The following CSGALNACT1 variants were observed in gnomAD, a reference collection of about 807,000 sequenced individuals.
CSGALNACT1 encodes the protein chondroitin sulfate N-acetylgalactosaminyltransferase 1.
CSGALNACT1 carries 52 observed loss-of-function variants against 51.0 expected under a neutral mutation model. The observed-to-expected ratio is 1.02, with a 90% CI of 0.82 to 1.29. CSGALNACT1 has a LOEUF of 1.29. Among genes scored for constraint, CSGALNACT1 ranks in the 50% most tolerant of loss-of-function variants. CSGALNACT1 has a pLI of 0.00. For synonymous variants in CSGALNACT1, 341 were observed against 254.4 expected, an observed-to-expected ratio of 1.34 and a Z score of -3.24; for missense variants, 935 against 679.2, an observed-to-expected ratio of 1.38 and a Z score of -4.19.
chr8:19,570,549 C>A (rs2042801106), intron 3 of CSGALNACT1, among the ~76,000 whole-genome samples: 1 of 152,112 alleles, frequency 6.6e-6, no homozygotes, highest in Non-Finnish European at 1.5e-5. Context: ...GACTCCATGG[C>A]TGCAGGGTTT....
chr8:19,474,234 C>G lies in CSGALNACT1; in HGVS notation c.635-15592G>C, dbSNP rs138920310. Among the ~76,000 whole-genome samples, 909 of 152,218 alleles carry G rather than the reference C, an allele frequency of 6.0e-3. 9 individuals carry two copies. The highest frequency in any genetic ancestry group is 0.02 in the African/African-American group (812 of 41,528). ...TCTTCAAAAGGGAAAGAAACCAACA[C>G]TCCCACCAACCTAGGAAAACAATCT... On this transcript the variant is annotated intron_variant, in intron 4 of 9. Transcript: ENST00000454498.
intron 1 of CSGALNACT1, among the ~76,000 whole-genome samples, chr8:19,666,877 GAAA>G (rs2059288447): frequency 2.4e-5 from 3 of 125,858 alleles, no homozygotes; most frequent in African/African-American, 6.6e-5. Flanking sequence ...AAGAAAGAAA[GAAA>G]GAAAGAGAGA....
At chr8:19,671,523 T>C (rs2059794323) in intron 1 of CSGALNACT1, among the ~76,000 whole-genome samples, 1 of 152,168 alleles carries the variant, frequency 6.6e-6, no homozygotes, top group Non-Finnish European at 1.5e-5. Flanking sequence ...AAGTACAGTA[T>C]TTATCAGAAT....
chr8:19,424,827 GT>G (rs999863808), intron 6 of CSGALNACT1, among the ~76,000 whole-genome samples: 2 of 152,206 alleles, frequency 1.3e-5, no homozygotes, highest in Admixed American at 1.3e-4. Context: ...GTGTGATGGT[GT>G]GGTTTGGGAA....
intron 8 of CSGALNACT1, among the ~76,000 whole-genome samples, chr8:19,416,786 T>A (rs1016866921): frequency 1.3e-5 from 2 of 152,204 alleles, no homozygotes; most frequent in Non-Finnish European, 2.9e-5. Flanking sequence ...TGTATGATGT[T>A]TGCACAATGA....
chr8:19,631,117 G>T (rs947386152), intron 1 of CSGALNACT1, among the ~76,000 whole-genome samples: 4 of 152,042 alleles, frequency 2.6e-5, no homozygotes, highest in African/African-American at 9.7e-5. Flanking sequence ...AGGACATTTT[G>T]GTTACTTCCA....
rs60464594 is a variant in CSGALNACT1, at chr8:19,716,612, C to CAAAAAAAA, written c.-297+41230_-297+41237dup. On this transcript the variant is annotated intron_variant, in intron 1 of 1. Coordinates refer to the CSGALNACT1 transcript ENST00000517494. ...GGCCAACATGGTAAAACCCTCTCTA[C>CAAAAAAAA]AAAAAAAAAAAAAAAAAAAAAAAAA... Among the ~76,000 whole-genome samples, 84 of 41,980 alleles carry CAAAAAAAA rather than the reference C, an allele frequency of 2.0e-3. 12 individuals carry two copies. The highest frequency in any genetic ancestry group is 5.0e-3 in the East Asian group (6 of 1,192). 27.5% of individuals were successfully genotyped at this position (41,980 alleles called of 152,430 possible).
chr8:19,630,371 G>A (rs2055078846), intron 1 of CSGALNACT1, among the ~76,000 whole-genome samples: 2 of 152,072 alleles, frequency 1.3e-5, no homozygotes, highest in Admixed American at 1.3e-4. Context: ...CAGGAGAAGT[G>A]AGAGAAAAAG....
intron 1 of CSGALNACT1, among the ~76,000 whole-genome samples, chr8:19,729,934 T>A (rs747360225): frequency 1.3e-5 from 2 of 152,144 alleles, no homozygotes; most frequent in African/African-American, 2.4e-5. Flanking sequence ...CCCCAGCACC[T>A]TCAGCTCTCA....
intron 1 of CSGALNACT1, among the ~76,000 whole-genome samples, chr8:19,737,884 G>A (rs1264181768): frequency 6.6e-6 from 1 of 152,206 alleles, no homozygotes; most frequent in East Asian, 1.9e-4. Context: ...CCAGGGGCTA[G>A]GAGATGGATA....
Position 19,618,653 on chromosome 8 carries a change from A to AG in CSGALNACT1, c.-543-16789_-543-16788insC, listed in dbSNP as rs1256689569. On this transcript the variant is annotated intron_variant, in intron 1 of 9. Coordinates refer to the CSGALNACT1 transcript ENST00000332246. ...TCAAAAAAAAAAAAAAAAAAAAAAAAAAAGAAAGAAAGAAAGAAAGAAAGA... is the reference window on the plus strand; with the variant it reads ...TCAAAAAAAAAAAAAAAAAAAAAAAAGAAAGAAAGAAAGAAAGAAAGAAAGA... Among the ~76,000 whole-genome samples, 205 of 91,214 alleles carry AG rather than the reference A, an allele frequency of 2.2e-3. 1 individual carries two copies. The highest frequency in any genetic ancestry group is 8.1e-3 in the African/African-American group (140 of 17,200). 59.8% of individuals were successfully genotyped at this position (91,214 alleles called of 152,430 possible). A position where few individuals can be genotyped will look rare whatever the true frequency, so the allele number is the denominator to read the frequency against.
chr8:19,543,013 T>C (rs1263009774), intron 3 of CSGALNACT1, among the ~76,000 whole-genome samples: 1 of 152,130 alleles, frequency 6.6e-6, no homozygotes, highest in Non-Finnish European at 1.5e-5. Context: ...AAGACTCAAT[T>C]TAAATTGTAT....
At chr8:19,671,914 C>A (rs2059822717) in intron 1 of CSGALNACT1, among the ~76,000 whole-genome samples, 1 of 152,128 alleles carries the variant, frequency 6.6e-6, no homozygotes, top group Admixed American at 6.5e-5. Context: ...CAGAGAATTC[C>A]ATCTCATGAA....
At chr8:19,461,391 A>G (rs1352559710) in intron 4 of CSGALNACT1, among the ~76,000 whole-genome samples, 1 of 152,104 alleles carries the variant, frequency 6.6e-6, no homozygotes, top group East Asian at 1.9e-4. Context: ...TGAGTCTGAA[A>G]GCAGCCACAT....
At chr8:19,721,883 A>G (rs1411612565) in intron 1 of CSGALNACT1, among the ~76,000 whole-genome samples, 2 of 152,246 alleles carry the variant, frequency 1.3e-5, no homozygotes, top group Non-Finnish European at 2.9e-5. Flanking sequence ...TTTCAAAAGA[A>G]AAATTAATTG....
intron 1 of CSGALNACT1, among the ~76,000 whole-genome samples, chr8:19,722,242 C>T (rs1489448242): frequency 5.3e-5 from 8 of 152,114 alleles, no homozygotes; most frequent in Admixed American, 5.2e-4. Context: ...CTGCTCTCTC[C>T]CCTAAAATGT....
chr8:19,728,833 C>G (rs1242683202), intron 1 of CSGALNACT1, among the ~76,000 whole-genome samples: 2 of 151,936 alleles, frequency 1.3e-5, no homozygotes, highest in Admixed American at 6.6e-5. Context: ...TTTCCTCAAC[C>G]CCCAAAAGGC....
intron 3 of CSGALNACT1, among the ~76,000 whole-genome samples, chr8:19,550,813 G>C (rs2087842463): frequency 6.6e-6 from 1 of 152,176 alleles, no homozygotes; most frequent in Non-Finnish European, 1.5e-5. Flanking sequence ...TGGGTGCTTA[G>C]AAGGAAGATA....
chr8:19,687,850 A>T (rs2061062513), intron 1 of CSGALNACT1, among the ~76,000 whole-genome samples: 3 of 152,226 alleles, frequency 2.0e-5, no homozygotes, highest in African/African-American at 7.2e-5. Context: ...AATTTCTTGT[A>T]GAAGTCAGTA....
Sources: allele counts gnomAD v4.1 joint callset (sites outside exome capture counted in the v4.1 genomes callset), GRCh38; gene constraint gnomAD v4.1.1; transcripts MANE v1.5; gene names NCBI Gene and HGNC (gene_info 2026-07-23, HGNC 2026-07-21).